ELFN1: variants seen among roughly 807,000 people sequenced by gnomAD.
ELFN1 encodes protein ELFN1.
In ELFN1, 6 loss-of-function variants were observed where a neutral mutation model predicts 7.6. The ratio of observed to expected loss-of-function variants is 0.79; its 90% CI spans 0.43 to 1.56. The LOEUF is 1.56. Among genes scored for constraint, ELFN1 ranks in the 40% most tolerant of loss-of-function variants. The probability of loss-of-function intolerance (pLI) is 0.01; values close to 1 mark genes in which losing one functional copy is unlikely to be tolerated. For missense variants in ELFN1, 1,169 were observed against 1,232.2 expected, an observed-to-expected ratio of 0.95 and a Z score of 0.77; for synonymous variants, 657 against 588.1, an observed-to-expected ratio of 1.12 and a Z score of -1.70.
At chr7:1,730,257 A>G (rs1448264064) in intron 3 of ELFN1, among the ~76,000 whole-genome samples, 6 of 152,230 alleles carry the variant, frequency 3.9e-5, no homozygotes, top group Non-Finnish European at 8.8e-5. Flanking sequence ...ACTTTCCGGA[A>G]CACATCCACT....
intron 3 of ELFN1, among the ~76,000 whole-genome samples, chr7:1,710,420 C>G (rs1270376831): frequency 1.3e-5 from 2 of 152,212 alleles, no homozygotes; most frequent in African/African-American, 4.8e-5. Context: ...CCCAAAGGAC[C>G]TCATTTCCCA....
chr7:1,726,698 C>G (rs896111575), intron 3 of ELFN1, among the ~76,000 whole-genome samples: 6 of 152,202 alleles, frequency 3.9e-5, no homozygotes, highest in African/African-American at 1.4e-4. Flanking sequence ...TGGGAGGTGA[C>G]AGCCAGAGGC....
chr7:1,693,587 G>A lies in ELFN1; in HGVS notation c.-456+5437G>A, dbSNP rs1288200082. The A allele has an allele frequency of 8.5e-6, 4 of 471,118 alleles. No homozygotes were observed. The East Asian group carries it at 2.8e-4, about 33-fold the overall frequency. The allele number at this position is 471,118 out of a possible 1,614,324, so 29.2% of individuals were successfully genotyped here. A position where few individuals can be genotyped will look rare whatever the true frequency, so the allele number is the denominator to read the frequency against. On this transcript the variant is annotated intron_variant, in intron 2 of 3. Coordinates refer to ENST00000424383, the MANE Select transcript of ELFN1 (RefSeq NM_001128636.4). ...CTTGCTGGGTGTGTGCACATCTGCA[G>A]AGGGGTCGGTGTACACCGCTGTGTG...
chr7:1,677,642 C>G (rs1481827465), intron 1 of ELFN1, among the ~76,000 whole-genome samples: 1 of 152,186 alleles, frequency 6.6e-6, no homozygotes, highest in African/African-American at 2.4e-5. Flanking sequence ...GCACACCCTC[C>G]TGGCCCCCCC....
chr7:1,704,228 G>T (rs1027616741), intron 2 of ELFN1, among the ~76,000 whole-genome samples: 5 of 152,186 alleles, frequency 3.3e-5, no homozygotes, highest in African/African-American at 1.2e-4. Context: ...TGCCAGCTGT[G>T]AGTGGGCTGG....
At chr7:1,722,828 C>A (rs1780064591) in intron 3 of ELFN1, among the ~76,000 whole-genome samples, 1 of 152,052 alleles carries the variant, frequency 6.6e-6, no homozygotes, top group Non-Finnish European at 1.5e-5. Context: ...TACCTAAATA[C>A]CCACCCCTTC....
intron 3 of ELFN1, among the ~76,000 whole-genome samples, chr7:1,718,414 C>A (rs1239592298): frequency 6.6e-6 from 1 of 152,186 alleles, no homozygotes; most frequent in Non-Finnish European, 1.5e-5. Context: ...GCGGGCCTGA[C>A]TGGAGAATGG....
At chr7:1,713,331 T>C (rs921138477) in intron 3 of ELFN1, among the ~76,000 whole-genome samples, 7 of 152,140 alleles carry the variant, frequency 4.6e-5, no homozygotes, top group Admixed American at 2.0e-4. Flanking sequence ...AGATGGGCCC[T>C]GGCTCCTGTG....
intron 3 of ELFN1, among the ~76,000 whole-genome samples, chr7:1,711,211 G>A (rs1294929910): frequency 1.3e-5 from 2 of 152,224 alleles, no homozygotes; most frequent in East Asian, 3.8e-4. Flanking sequence ...ACCAGTCTCC[G>A]AGGGGCTGCG....
At chr7:1,734,960 G>A (rs933906801) in intron 3 of ELFN1, among the ~76,000 whole-genome samples, 7 of 152,178 alleles carry the variant, frequency 4.6e-5, no homozygotes, top group African/African-American at 1.7e-4. Context: ...CTCCCAAAGT[G>A]CTGGGATGAC....
In ELFN1 at chr7:1,695,558, C is replaced by T. The variant is rs377120553; in HGVS notation, c.-456+7408C>T. ...GCCAGGAGTTCAAGACAAGCCTGGCCAACATGGAGAAACCCCGTCTCTACT... is the reference window on the plus strand; with the variant it reads ...GCCAGGAGTTCAAGACAAGCCTGGCTAACATGGAGAAACCCCGTCTCTACT... On this transcript the variant is annotated intron_variant, in intron 2 of 3. Transcript: ENST00000424383. This position sits in a 1 kb window ranked among gnomAD's most constrained non-coding sequence, Gnocchi z 5.1. 2.0e-5 allele frequency among the ~76,000 whole-genome samples: 3 copies of T among 152,028 alleles called. No individual in the cohort carries two copies. The highest frequency in any genetic ancestry group is 7.2e-5 in the African/African-American group (3 of 41,440).
In ELFN1 at chr7:1,745,879, G is replaced by A; in HGVS notation, c.1283G>A (p.Gly428Asp). 1 of 1,591,884 alleles carries A rather than the reference G, an allele frequency of 6.3e-7. No individual in the cohort carries two copies. The highest frequency in any genetic ancestry group is 8.5e-7 in the Non-Finnish European group (1 of 1,170,598). The stretch of plus-strand genomic sequence containing the variant: ...ATGACCATCCTGGGCTGCCTCTTCG[G>A]CATGGTGCTGGTGCTGGGCGCCGTC... ...YIMTILGCLF[G>D]MVLVLGAVYY... The change falls in exon 4 of 4, where the codon GGC becomes GAC. Residue 428 changes from glycine (G) to aspartate (D), a missense_variant. By Grantham distance (94) the Gly-to-Asp change is moderately conservative. Transcript: ENST00000424383.
intron 1 of ELFN1, among the ~76,000 whole-genome samples, chr7:1,686,096 T>C (rs1477872150): frequency 6.6e-6 from 1 of 151,206 alleles, no homozygotes; most frequent in East Asian, 1.9e-4. Flanking sequence ...CTTTCCTGTT[T>C]CATTGGATGT....
At chr7:1,669,925 A>G (rs1379469445), upstream of ELFN1, among the ~76,000 whole-genome samples, 1 of 118,180 alleles carries the variant, frequency 8.5e-6, no homozygotes, top group Admixed American at 1.2e-4. Flanking sequence ...CCGGGGACGG[A>G]CCGCGAGGAC....
intron 1 of ELFN1, among the ~76,000 whole-genome samples, chr7:1,686,164 T>C (rs1583317053): frequency 6.6e-6 from 1 of 151,928 alleles, no homozygotes; most frequent in East Asian, 1.9e-4. Flanking sequence ...CAGTTCTGGA[T>C]GCTGATTTGT....
chr7:1,725,652 C>T (rs945829398), intron 3 of ELFN1, among the ~76,000 whole-genome samples: 1 of 152,278 alleles, frequency 6.6e-6, no homozygotes, highest in South Asian at 2.1e-4. Context: ...GTCGGACGCC[C>T]GCCTGCTGTG....
rs1398887389 is a variant in ELFN1, at chr7:1,746,480, C to G, written c.1884C>G (p.His628Gln). The G allele has an allele frequency of 1.3e-6, 2 of 1,511,978 alleles. No homozygotes were observed. Among genetic ancestry groups the G allele is most frequent in the East Asian group, 2.5e-5 (1 of 39,406 alleles). The allele number at this position is 1,511,978 out of a possible 1,614,324, so 93.7% of individuals were successfully genotyped here. Residue 628 changes from histidine to glutamine, a missense_variant, in exon 4 of 4, where the codon CAC (histidine) becomes CAG (glutamine). Around this residue, in one of 2 missense-constraint regions of ELFN1, gnomAD observed 914 missense variants for 872.6 expected, o/e 1.05. Coordinates refer to ENST00000424383, the MANE Select transcript of ELFN1 (RefSeq NM_001128636.4). ...DAFGHSLQRH[H>Q]SVEAAGPPRA... ...TCGGCCACAGCCTGCAGCGGCACCA[C>G]AGCGTGGAGGCCGCCGGGCCCCCTC...
rs187011951 is a variant in ELFN1, at chr7:1,676,435, C to T, written c.-549+6081C>T. Among the ~76,000 whole-genome samples the T allele has an allele frequency of 4.0e-3, 613 of 152,330 alleles. 10 individuals carry two copies. The highest frequency in any genetic ancestry group is 0.014 in the African/African-American group (588 of 41,564). On this transcript the variant is annotated intron_variant, in intron 1 of 3. Transcript: ENST00000424383. ...GTGTTCGGCGTGACCTGAGGTGGGT[C>T]CCTTCCCTTCCCGGAGCCTCGGCCT... is the stretch of plus-strand genomic sequence containing the variant.
At chr7:1,683,622 TATTG>T (rs1779012925) in intron 1 of ELFN1, among the ~76,000 whole-genome samples, 1 of 152,226 alleles carries the variant, frequency 6.6e-6, no homozygotes, top group Non-Finnish European at 1.5e-5. Context: ...TTCTATCAGT[TATTG>T]AGAGGGAGTG....
Sources: allele counts gnomAD v4.1 joint callset (sites outside exome capture counted in the v4.1 genomes callset), GRCh38; gene constraint gnomAD v4.1.1; regional missense constraint gnomAD v4.1.1; non-coding constraint Gnocchi (gnomAD v3.1); transcripts MANE v1.5; gene names NCBI Gene and HGNC (gene_info 2026-07-23, HGNC 2026-07-21).